TSEN34: variants seen among roughly 807,000 people sequenced by gnomAD.
The protein encoded by TSEN34 is tRNA splicing endonuclease subunit 34, also known as tRNA-splicing endonuclease subunit Sen34.
A neutral mutation model predicts 30.2 loss-of-function variants in TSEN34; 25 were observed. The observed-to-expected ratio is 0.83, with a 90% CI of 0.60 to 1.16. The LOEUF (loss-of-function observed/expected upper bound fraction) is 1.16. Ranked by LOEUF, TSEN34 falls within the 50% of genes most tolerant of loss-of-function variation. TSEN34 has a pLI of 0.00. For synonymous variants in TSEN34, 209 were observed against 177.4 expected, an observed-to-expected ratio of 1.18 and a Z score of -1.41; for missense variants, 475 against 411.9, an observed-to-expected ratio of 1.15 and a Z score of -1.33.
rs1209872250 is a variant in TSEN34, at chr19:54,192,147, T to A, written c.519T>A (p.Asn173Lys). 1 of 1,614,206 alleles carries A rather than the reference T, an allele frequency of 6.2e-7. No homozygotes were observed. Among genetic ancestry groups the A allele is most frequent in the Admixed American group, 1.7e-5 (1 of 60,026 alleles). ...GPSSSQAGPS[N>K]GVAPLPRSAL... ...CGTCTTCCCAAGCAGGACCCTCAAA[T>A]GGGGTAGCCCCCTTGCCCAGATCTG... Residue 173 changes from asparagine to lysine, a missense_variant, in exon 3 of 4, where the codon AAT (asparagine) becomes AAA (lysine). Physicochemically the swap from Asn to Lys is moderately conservative, Grantham distance 94 (BLOSUM62 0). Coordinates refer to ENST00000396388, the MANE Select transcript of TSEN34 (RefSeq NM_001077446.4).
chr19:54,191,341 T>A lies in TSEN34; in HGVS notation c.-24T>A. On this transcript the variant is annotated 5_prime_UTR_variant, in exon 1 of 4. It adds an upstream start codon to the 5' untranslated region. Coordinates refer to ENST00000396388, the MANE Select transcript of TSEN34 (RefSeq NM_001077446.4). ...GCGCGCAGCTGTTTCGGTAACTGCT[T>A]TGCCTCCCGGCTCCCGCAGGAGGAT... 1 of 1,548,886 alleles carries A rather than the reference T, an allele frequency of 6.5e-7. No homozygotes were observed. The highest frequency in any genetic ancestry group is 1.2e-5 in the South Asian group (1 of 84,066).
rs752986593 is a variant in TSEN34 at position 54,193,796 on chromosome 19, G to A, written c.*434G>A. On this transcript the variant is annotated 3_prime_UTR_variant, in exon 4 of 4. Transcript: ENST00000396388. ...ACACACTTAGTAAATAGCAGGCCTG[G>A]CCTTTCAAAATTGGTTTTTCTGACT... The A allele has an allele frequency of 1.9e-5, 12 of 646,734 alleles. No individual in the cohort carries two copies. The highest frequency in any genetic ancestry group is 3.3e-5 in the Non-Finnish European group (12 of 359,538). The allele number at this position is 646,734 out of a possible 1,614,324, so 40.1% of individuals were successfully genotyped here.
In TSEN34 at chr19:54,191,909, T is replaced by A. The variant is rs2076721435; in HGVS notation, c.432T>A (p.Ala144=). Residue 144 remains alanine, a synonymous_variant, in exon 2 of 4, where the codon GCT becomes GCA. Coordinates refer to ENST00000396388, the MANE Select transcript of TSEN34 (RefSeq NM_001077446.4). The stretch of plus-strand genomic sequence containing the variant: ...GCCAGGAGGCCGGCTCGAGCCAGGC[T>A]GCCAAAGAGGATGAGACCAGTGATG... The part of the protein sequence containing the change: ...SSSQEAGSSQ[A]AKEDETSDGQ... 2 of 1,613,914 alleles carry A rather than the reference T, an allele frequency of 1.2e-6. No homozygotes were observed. The highest frequency in any genetic ancestry group is 1.7e-6 in the Non-Finnish European group (2 of 1,179,996).
At chr19:54,190,332 G>C, upstream of TSEN34, 1 of 1,528,668 alleles carries the variant, frequency 6.5e-7, no homozygotes, top group Non-Finnish European at 8.8e-7. Flanking sequence ...GCGGTGCGCA[G>C]TGGGTGGCTC....
At chr19:54,191,158 G>T (rs1203807986), upstream of TSEN34, 1 of 1,360,534 alleles carries the variant, frequency 7.4e-7, no homozygotes, top group Non-Finnish European at 9.4e-7. Context: ...TCTCGTCTCC[G>T]GCGGCCGCGA....
chr19:54,191,060 A>G, upstream of TSEN34: 1 of 1,265,588 alleles, frequency 7.9e-7, no homozygotes, highest in Non-Finnish European at 9.9e-7. Flanking sequence ...GTGCGGGCAC[A>G]GAGCGGGTGC....
intron 3 of TSEN34, 35 bp from the exon 4 acceptor site, chr19:54,193,140 T>A (rs948312836): frequency 2.5e-6 from 4 of 1,612,270 alleles, no homozygotes; most frequent in Non-Finnish European, 2.5e-6. Flanking sequence ...CGTCTGCCAT[T>A]GGTCACTGCT....
rs982216619 is a variant in TSEN34 at position 54,193,834 on chromosome 19, CTCTT to C, written c.*476_*479del. 1.2e-5 allele frequency: 7 copies of C among 601,174 alleles called. No individual in the cohort carries two copies. Among genetic ancestry groups the C allele is most frequent in the African/African-American group, 1.9e-5 (1 of 53,880 alleles). 37.2% of individuals were successfully genotyped at this position (601,174 alleles called of 1,614,324 possible). A position where few individuals can be genotyped will look rare whatever the true frequency, so the allele number is the denominator to read the frequency against. On this transcript the variant is annotated 3_prime_UTR_variant, in exon 4 of 4. Transcript: ENST00000396388. ...GGTTTTTCTGACTCCTAAATCTGCA[CTCTT>C]TCTACCTCACTAAACTTCCTTTTGA...
chr19:54,191,514 G>A lies in TSEN34; in HGVS notation c.150G>A (p.Leu50=), dbSNP rs758188737. Residue 50 remains leucine, a synonymous_variant, in exon 1 of 4, where the codon CTG becomes CTA. Transcript: ENST00000396388. ...AGAACTCGCGCCTGGGCCTCCCGCTGCTGCTGATGCCCGAAGAGGCGCGGC... is the reference window on the plus strand; with the variant it reads ...AGAACTCGCGCCTGGGCCTCCCGCTACTGCTGATGCCCGAAGAGGCGCGGC... ...PRQNSRLGLP[L]LLMPEEARLL... is the part of the protein sequence containing the mutation. 1.6e-5 allele frequency: 25 copies of A among 1,591,642 alleles called. No individual in the cohort carries two copies. The highest frequency in any genetic ancestry group is 2.0e-5 in the Non-Finnish European group (24 of 1,174,140).
upstream of TSEN34, chr19:54,190,378 C>G: frequency 6.6e-7 from 1 of 1,507,326 alleles, no homozygotes; most frequent in African/African-American, 1.4e-5. Context: ...TGAGGTGACT[C>G]GCTGGTTCTA....
intron 3 of TSEN34, among the ~76,000 whole-genome samples, chr19:54,192,719 A>G (rs2076755834): frequency 6.6e-6 from 1 of 152,218 alleles, no homozygotes; most frequent in African/African-American, 2.4e-5. Context: ...GTAGTTAGAC[A>G]TCAGGCTGGG....
chr19:54,192,697 A>T (rs2076755049), intron 3 of TSEN34, among the ~76,000 whole-genome samples: 1 of 152,148 alleles, frequency 6.6e-6, no homozygotes, highest in Non-Finnish European at 1.5e-5. Context: ...GATCCAGAAG[A>T]TTCACTTAGA....
At chr19:54,191,063 G>A, upstream of TSEN34, 1 of 1,276,670 alleles carries the variant, frequency 7.8e-7, no homozygotes, top group Non-Finnish European at 9.9e-7. Flanking sequence ...CGGGCACAGA[G>A]CGGGTGCCGA....
rs1466484239 is a variant in TSEN34, at chr19:54,193,399, C to T, written c.*37C>T. 1 of 1,613,184 alleles carries T rather than the reference C, an allele frequency of 6.2e-7. No homozygotes were observed. The highest frequency in any genetic ancestry group is 1.1e-5 in the South Asian group (1 of 90,952). On this transcript the variant is annotated 3_prime_UTR_variant, in exon 4 of 4. Coordinates refer to ENST00000396388, the MANE Select transcript of TSEN34 (RefSeq NM_001077446.4). ...CTAGGGGATGTGGCTGTGTCGGCAG[C>T]AAGAGCCTTTCTGGATGTTCCCCAG...
chr19:54,193,223 C>T lies in TSEN34; in HGVS notation c.794C>T (p.Pro265Leu), dbSNP rs1411664018. ...HAHYIAQCWAPEDTIPLQDLV... is the reference protein window; with the variant it reads ...HAHYIAQCWALEDTIPLQDLV... The stretch of plus-strand genomic sequence containing the variant: ...CATTATATCGCTCAGTGCTGGGCCC[C>T]TGAGGACACCATCCCACTCCAAGAC... The change falls in exon 4 of 4, where the codon CCT becomes CTT. Residue 265 changes from proline to leucine, a missense_variant. Transcript: ENST00000396388. 1.9e-6 allele frequency: 3 copies of T among 1,614,040 alleles called. No homozygotes were observed. Among genetic ancestry groups the T allele is most frequent in the Non-Finnish European group, 1.7e-6 (2 of 1,180,022 alleles).
Position 54,193,528 on chromosome 19 carries a change from A to G in TSEN34, c.*166A>G. The G allele has an allele frequency of 1.3e-6, 2 of 1,538,190 alleles. No homozygotes were observed. The highest frequency in any genetic ancestry group is 1.7e-6 in the Non-Finnish European group (2 of 1,145,294). ...CTTTTTTATGTTCTTCCTTGTTTCA[A>G]AGCACTTATTGGCTGTGTTTTTGTA... On this transcript the variant is annotated 3_prime_UTR_variant, in exon 4 of 4. Transcript: ENST00000396388.
At position 54,193,274 on chromosome 19, in the gene TSEN34, C is replaced by T; in HGVS notation, c.845C>T (p.Thr282Ile). The change falls in exon 4 of 4, where the codon ACC becomes ATC. Residue 282 changes from threonine to isoleucine, a missense_variant. Transcript: ENST00000396388. ...CTGGTTGCTGCTGGGCGCCTTGGAA[C>T]CAGCGTCAGAAAGACCCTGCTCCTC... The part of the protein sequence containing the change: ...QDLVAAGRLG[T>I]SVRKTLLLCS... The T allele has an allele frequency of 6.2e-7, 1 of 1,614,160 alleles. No individual in the cohort carries two copies.
chr19:54,194,067 G>A lies in TSEN34; in HGVS notation c.*705G>A. Reference sequence around the variant, plus strand: ...AAATAATTTAAAAAAAAATTAGCCAGGGATCCCTTGAGCCTGGGAAGTTGA... The same window carrying A: ...AAATAATTTAAAAAAAAATTAGCCAAGGATCCCTTGAGCCTGGGAAGTTGA... On this transcript the variant is annotated 3_prime_UTR_variant, in exon 4 of 4. Transcript: ENST00000396388. The A allele has an allele frequency of 5.5e-6, 1 of 180,976 alleles. No individual in the cohort carries two copies. The highest frequency in any genetic ancestry group is 1.2e-5 in the Non-Finnish European group (1 of 85,012). 11.2% of individuals were successfully genotyped at this position (180,976 alleles called of 1,614,324 possible).
At chr19:54,190,660 C>T, upstream of TSEN34, 1 of 1,243,506 alleles carries the variant, frequency 8.0e-7, no homozygotes, top group Non-Finnish European at 1.0e-6. Flanking sequence ...CGGATTCGGC[C>T]GAGCCGAGAA....
Sources: gnomAD v4.1 joint callset for allele counts (sites outside exome capture counted in the v4.1 genomes callset) on GRCh38, gnomAD v4.1.1 for gene constraint, MANE v1.5 for transcripts, NCBI Gene and HGNC (gene_info 2026-07-23, HGNC 2026-07-21) for gene names.